PCDHGB7: variants seen among roughly 807,000 people sequenced by gnomAD.
The protein encoded by PCDHGB7 is protocadherin gamma-B7.
PCDHGB7 carries 37 observed loss-of-function variants against 61.4 expected under a neutral mutation model. That is an observed-to-expected ratio of 0.60 (90% CI 0.46 to 0.79). The LOEUF is 0.79. Ranked by LOEUF, PCDHGB7 falls within the 30% of genes least tolerant of loss-of-function variation. The pLI, the probability that PCDHGB7 is intolerant of heterozygous loss-of-function variation, is 0.00. For missense variants in PCDHGB7, 1,166 were observed against 1,202.5 expected, an observed-to-expected ratio of 0.97 and a Z score of 0.45; for synonymous variants, 464 against 503.5, an observed-to-expected ratio of 0.92 and a Z score of 1.05.
rs868008554 is a variant in PCDHGB7, at chr5:141,431,417, C to T, written c.2415+11143C>T. 1 of 1,613,666 alleles carries T rather than the reference C, an allele frequency of 6.2e-7. No homozygotes were observed. Among genetic ancestry groups the T allele is most frequent in the South Asian group, 1.1e-5 (1 of 91,082 alleles). ...CCTTACGGCCTCCGACGGGGGCGAC[C>T]CGGTGCGCACAGGCACCGCGCGCAT... On this transcript the variant is annotated intron_variant, in intron 1 of 3. Transcript: ENST00000398594. This position sits in a 1 kb window ranked among gnomAD's most constrained non-coding sequence, Gnocchi z 4.8.
At chr5:141,478,683 C>G (rs1355955377) in intron 1 of PCDHGB7, 14 of 1,551,164 alleles carry the variant, frequency 9.0e-6, no homozygotes, top group African/African-American at 1.4e-5. Flanking sequence ...CTGGCCCTTC[C>G]TAGATCAAAG....
chr5:141,494,037 T>C (rs2099751443), intron 1 of PCDHGB7, among the ~76,000 whole-genome samples: 1 of 152,146 alleles, frequency 6.6e-6, no homozygotes, highest in South Asian at 2.1e-4. Context: ...GAGACTTAGT[T>C]GGCCCTGCTT....
At chr5:141,507,443 G>A (rs2099860678) in intron 3 of PCDHGB7, among the ~76,000 whole-genome samples, 2 of 152,200 alleles carry the variant, frequency 1.3e-5, no homozygotes. Flanking sequence ...TACAGCTGAC[G>A]GAAGGACAGA....
chr5:141,450,220 G>A (rs898186696), intron 1 of PCDHGB7, among the ~76,000 whole-genome samples: 12 of 151,956 alleles, frequency 7.9e-5, no homozygotes, highest in African/African-American at 2.9e-4. Flanking sequence ...GTTTCACTAT[G>A]TTGGCCAGGC....
rs763160633 is a variant in PCDHGB7 at position 141,418,261 on chromosome 5, G to A, written c.402G>A (p.Arg134=). 3 of 1,614,056 alleles carry A rather than the reference G, an allele frequency of 1.9e-6. No homozygotes were observed. In the South Asian group the frequency reaches 3.3e-5, roughly 18 times the overall value. ...EDVNDHAPQF[R]KDEINLEISE... Reference sequence around the variant, plus strand: ...TTAATGACCACGCCCCTCAATTCCGGAAAGATGAAATAAACTTAGAAATCA... The same window carrying A: ...TTAATGACCACGCCCCTCAATTCCGAAAAGATGAAATAAACTTAGAAATCA... The change falls in exon 1 of 4, where the codon CGG becomes CGA. Residue 134 remains arginine (R), a synonymous_variant. Coordinates refer to ENST00000398594, the MANE Select transcript of PCDHGB7 (RefSeq NM_018927.4).
chr5:141,490,936 C>T lies in PCDHGB7; in HGVS notation c.2416-3871C>T. 6.2e-7 allele frequency: 1 copy of T among 1,613,694 alleles called. No individual in the cohort carries two copies. On this transcript the variant is annotated intron_variant, in intron 1 of 3. Transcript: ENST00000398594. The surrounding 1 kb of genome is among the most constrained non-coding windows in gnomAD (Gnocchi z 5.4). ...GAATGATAATGCCCCAGCTGTGCTG[C>T]ACCCACGGCCAGACTGGGAACACTC...
In PCDHGB7 at chr5:141,511,345, TCC is replaced by T; in HGVS notation, c.*178_*179del. 1 of 1,410,484 alleles carries T rather than the reference TCC, an allele frequency of 7.1e-7. No homozygotes were observed. The highest frequency in any genetic ancestry group is 9.4e-7 in the Non-Finnish European group (1 of 1,060,658). The allele number at this position is 1,410,484 out of a possible 1,614,324, so 87.4% of individuals were successfully genotyped here. On this transcript the variant is annotated 3_prime_UTR_variant, in exon 4 of 4. Coordinates refer to ENST00000398594, the MANE Select transcript of PCDHGB7 (RefSeq NM_018927.4). ...AAGTGCCCAGTCAGCACCTACCCCT[TCC>T]CCCCCAGGGGGTTGAATATGCAAAA... is the stretch of plus-strand genomic sequence containing the variant.
At chr5:141,427,396 A>G (rs1303085720) in intron 1 of PCDHGB7, 1 of 460,578 alleles carries the variant, frequency 2.2e-6, no homozygotes, top group Non-Finnish European at 4.4e-6. Context: ...AAAACACATG[A>G]TAAAGATTCG....
intron 1 of PCDHGB7, chr5:141,426,760 C>T (rs935248232): frequency 4.4e-6 from 2 of 456,284 alleles, no homozygotes; most frequent in African/African-American, 4.0e-5. Context: ...GCTATAGATG[C>T]AGATGTAGGG....
rs762138055 is a variant in PCDHGB7, at chr5:141,490,757, T to C, written c.2416-4050T>C. 6.2e-7 allele frequency: 1 copy of C among 1,613,918 alleles called. No homozygotes were observed. The highest frequency in any genetic ancestry group is 2.2e-5 in the East Asian group (1 of 44,892). On this transcript the variant is annotated intron_variant, in intron 1 of 3. Coordinates refer to ENST00000398594, the MANE Select transcript of PCDHGB7 (RefSeq NM_018927.4). The surrounding 1 kb of genome is among the most constrained non-coding windows in gnomAD (Gnocchi z 5.4). ...GTTCAGGGAGCCCCAGCCTCCTCCT[T>C]TGTGTATGTCAACCCAGAGGATGGA...
At position 141,491,137 on chromosome 5, in the gene PCDHGB7, GC is replaced by G. The variant is rs1373404184; in HGVS notation, c.2416-3668del. ...CACTGGTGAGGTGCGCACAGCCCGG[GC>G]CTTACTGGAGGATGACTCTGACACC... On this transcript the variant is annotated intron_variant, in intron 1 of 3. Transcript: ENST00000398594. This position sits in a 1 kb window ranked among gnomAD's most constrained non-coding sequence, Gnocchi z 6.9. The G allele has an allele frequency of 1.2e-6, 2 of 1,614,156 alleles. No individual in the cohort carries two copies. Among genetic ancestry groups the G allele is most frequent in the Non-Finnish European group, 1.7e-6 (2 of 1,180,008 alleles).
chr5:141,473,763 GGATTTGGT>G (rs1358359618), intron 1 of PCDHGB7, among the ~76,000 whole-genome samples: 73 of 152,322 alleles, frequency 4.8e-4, no homozygotes, highest in African/African-American at 1.7e-3. Context: ...ACTATGCAAA[GGATTTGGT>G]ATTTTAATTC....
Position 141,485,716 on chromosome 5 carries a change from T to C in PCDHGB7, c.2416-9091T>C. Reference sequence around the variant, plus strand: ...GCTCCAATGAACACTTTGCACTGGATGTGAAGAAGCGCAGCGACGGCAGCC... The same window carrying C: ...GCTCCAATGAACACTTTGCACTGGACGTGAAGAAGCGCAGCGACGGCAGCC... On this transcript the variant is annotated intron_variant, in intron 1 of 3. Coordinates refer to ENST00000398594, the MANE Select transcript of PCDHGB7 (RefSeq NM_018927.4). The surrounding 1 kb of genome is among the most constrained non-coding windows in gnomAD (Gnocchi z 5.7). The C allele has an allele frequency of 6.2e-7, 1 of 1,614,044 alleles. No individual in the cohort carries two copies. Among genetic ancestry groups the C allele is most frequent in the Non-Finnish European group, 8.5e-7 (1 of 1,180,002 alleles).
intron 1 of PCDHGB7, among the ~76,000 whole-genome samples, chr5:141,483,014 G>A (rs1401419953): frequency 1.3e-5 from 2 of 152,184 alleles, no homozygotes; most frequent in Non-Finnish European, 2.9e-5. Context: ...GAACCCGGGA[G>A]GCAGAGGTTG....
chr5:141,466,020 G>A (rs973577698), intron 1 of PCDHGB7, among the ~76,000 whole-genome samples: 2 of 151,974 alleles, frequency 1.3e-5, no homozygotes, highest in South Asian at 4.1e-4. Context: ...TACTCGGGAG[G>A]GTGAGGCAGG....
In PCDHGB7 at chr5:141,486,036, G is replaced by A. The variant is rs773301300; in HGVS notation, c.2416-8771G>A. ...TATTTCAGTGGTCATACCCCTGATC[G>A]TGTAAGAAACCTCTTTAGCCTGCAC... On this transcript the variant is annotated intron_variant, in intron 1 of 3. Transcript: ENST00000398594. This position sits in a 1 kb window ranked among gnomAD's most constrained non-coding sequence, Gnocchi z 5.0. 2.5e-6 allele frequency: 4 copies of A among 1,614,048 alleles called. No individual in the cohort carries two copies. Among genetic ancestry groups the A allele is most frequent in the Admixed American group, 1.7e-5 (1 of 60,004 alleles).
In PCDHGB7 at chr5:141,489,255, A is replaced by G. The variant is rs909780010; in HGVS notation, c.2416-5552A>G. 2 of 1,548,804 alleles carry G rather than the reference A, an allele frequency of 1.3e-6. No individual in the cohort carries two copies. Among genetic ancestry groups the G allele is most frequent in the Non-Finnish European group, 1.7e-6 (2 of 1,147,848 alleles). On this transcript the variant is annotated intron_variant, in intron 1 of 3. Coordinates refer to ENST00000398594, the MANE Select transcript of PCDHGB7 (RefSeq NM_018927.4). The surrounding 1 kb of genome is among the most constrained non-coding windows in gnomAD (Gnocchi z 4.5). ...ACTTCTGGGTCATGGGGCCCAAGAC[A>G]CTCCCACAGCTCGCTGGGAAATGGC...
Position 141,432,668 on chromosome 5 carries a change from G to C in PCDHGB7, c.2415+12394G>C, listed in dbSNP as rs1202414814. 2.5e-6 allele frequency: 4 copies of C among 1,613,742 alleles called. No individual in the cohort carries two copies. The highest frequency in any genetic ancestry group is 2.2e-5 in the South Asian group (2 of 91,068). On this transcript the variant is annotated intron_variant, in intron 1 of 3. Coordinates refer to ENST00000398594, the MANE Select transcript of PCDHGB7 (RefSeq NM_018927.4). This position sits in a 1 kb window ranked among gnomAD's most constrained non-coding sequence, Gnocchi z 6.0. The stretch of plus-strand genomic sequence containing the variant: ...GGCGCGAGCCCTGCTGGACAGAGAC[G>C]CGCTCAAGCAGAGCCTCGTAGTGGC...
chr5:141,495,817 T>G (rs2099764054), intron 2 of PCDHGB7, among the ~76,000 whole-genome samples: 1 of 152,110 alleles, frequency 6.6e-6, no homozygotes, highest in African/African-American at 2.4e-5. Context: ...TAGCGCCTTG[T>G]GTTCTTCTAT....
Sources: allele counts gnomAD v4.1 joint callset (sites outside exome capture counted in the v4.1 genomes callset), GRCh38; gene constraint gnomAD v4.1.1; non-coding constraint Gnocchi (gnomAD v3.1); transcripts MANE v1.5; gene names NCBI Gene and HGNC (gene_info 2026-07-23, HGNC 2026-07-21).